Variants in PCDHA4 observed in about 807,000 individuals in gnomAD.
PCDHA4 encodes the protein protocadherin alpha 4.
Under a neutral mutation model 61.4 loss-of-function variants are expected in PCDHA4, and 49 were observed. The ratio of observed to expected loss-of-function variants is 0.80; its 90% CI spans 0.63 to 1.01. The LOEUF (loss-of-function observed/expected upper bound fraction) is 1.01. Ranked by LOEUF, PCDHA4 falls within the 50% of genes least tolerant of loss-of-function variation. PCDHA4 has a pLI of 0.00. For synonymous variants in PCDHA4, 590 were observed against 550.3 expected (o/e 1.07, Z -1.01); for missense variants, 1,254 against 1,235.8 (o/e 1.01, Z -0.22).
chr5:140,964,380 C>T (rs891362271), intron 1 of PCDHA4, among the ~76,000 whole-genome samples: 9 of 152,120 alleles, frequency 5.9e-5, no homozygotes, highest in Non-Finnish European at 1.3e-4. Context: ...AAGGAGAGTC[C>T]TGGTTTTTCT....
In PCDHA4 at chr5:140,858,436, G is replaced by A. The variant is rs781811192; in HGVS notation, c.2385+48864G>A. 9 of 1,542,522 alleles carry A rather than the reference G, an allele frequency of 5.8e-6. 1 individual carries two copies. In the South Asian group the frequency reaches 1.1e-4, roughly 18 times the overall value. ...CTATTGGAGGGGACCACTCTAGGAA[G>A]GTGGGTTATTACGTTTTCATTTTCC... On this transcript the variant is annotated intron_variant, in intron 1 of 3. Coordinates refer to ENST00000530339, the MANE Select transcript of PCDHA4 (RefSeq NM_018907.4).
Position 140,842,826 on chromosome 5 carries a change from G to T in PCDHA4, c.2385+33254G>T, listed in dbSNP as rs782132633. On this transcript the variant is annotated intron_variant, in intron 1 of 3. Coordinates refer to ENST00000530339, the MANE Select transcript of PCDHA4 (RefSeq NM_018907.4). ...CTTGTGGAGCGGCGGGTGGGCGAGC[G>T]CTCGCTGTCGAGCTACATTTCGGTG... 3.8e-6 allele frequency: 6 copies of T among 1,593,690 alleles called. 1 individual carries two copies. The highest frequency in any genetic ancestry group is 5.1e-6 in the Non-Finnish European group (6 of 1,165,318).
intron 1 of PCDHA4, chr5:140,966,420 G>C (rs2096000872): frequency 2.4e-6 from 1 of 421,302 alleles, no homozygotes; most frequent in South Asian, 1.0e-4. Flanking sequence ...AGCAGGACTT[G>C]CTGAGCCCTC....
In PCDHA4 at chr5:140,877,192, G is replaced by C. The variant is rs202102698; in HGVS notation, c.2385+67620G>C. 3.5e-4 allele frequency: 559 copies of C among 1,613,846 alleles called. 3 individuals are homozygous for C. The African/African-American group carries it at 6.5e-3, about 19-fold the overall frequency. Reference sequence around the variant, plus strand: ...GCTGGCGACTCCGGCTGGCAGCGCAGGAGGCGCAGTTAGCGAGTTGGTACC... The same window carrying C: ...GCTGGCGACTCCGGCTGGCAGCGCACGAGGCGCAGTTAGCGAGTTGGTACC... On this transcript the variant is annotated intron_variant, in intron 1 of 3. Coordinates refer to ENST00000530339, the MANE Select transcript of PCDHA4 (RefSeq NM_018907.4).
intron 1 of PCDHA4, chr5:140,829,594 G>T (rs141465004): frequency 2.2e-5 from 35 of 1,611,982 alleles, no homozygotes; most frequent in Non-Finnish European, 3.0e-5. Context: ...GGGTGGGCGA[G>T]CGCGCGTTGT....
intron 1 of PCDHA4, among the ~76,000 whole-genome samples, chr5:140,917,726 G>A (rs1192405804): frequency 6.6e-6 from 1 of 152,114 alleles, no homozygotes; most frequent in Admixed American, 6.6e-5. Flanking sequence ...TTATTTCTGG[G>A]TTCTCTAACC....
At chr5:140,982,218 G>A (rs1054533925) in intron 2 of PCDHA4, 11 of 523,574 alleles carry the variant, frequency 2.1e-5, no homozygotes, top group African/African-American at 7.7e-5. Context: ...GCCACATGGC[G>A]TTAATAAAAA....
intron 1 of PCDHA4, chr5:140,835,872 C>T: frequency 6.2e-7 from 1 of 1,612,050 alleles, no homozygotes; most frequent in Non-Finnish European, 8.5e-7. Flanking sequence ...GCTGGTGGAG[C>T]TGCGGGTGGG....
At chr5:140,909,471 A>G (rs1398595420) in intron 1 of PCDHA4, among the ~76,000 whole-genome samples, 3 of 152,328 alleles carry the variant, frequency 2.0e-5, no homozygotes, top group African/African-American at 7.2e-5. Context: ...TCTTCTTCAC[A>G]GGCTAAATAG....
chr5:140,906,963 G>A (rs150934602), intron 1 of PCDHA4, among the ~76,000 whole-genome samples: 2 of 152,098 alleles, frequency 1.3e-5, no homozygotes, highest in South Asian at 2.1e-4. Flanking sequence ...TAATGGAATC[G>A]TGGTTGTGTC....
Position 140,918,450 on chromosome 5 carries a change from G to A in PCDHA4, c.2386-60499G>A, listed in dbSNP as rs7725108. On this transcript the variant is annotated intron_variant, in intron 1 of 3. Transcript: ENST00000530339. ...TGTTGAATAGGAGTGGTGACAGTGGGCATCCTTGTCTTATTCCAAGTCTCA... is the reference window on the plus strand; with the variant it reads ...TGTTGAATAGGAGTGGTGACAGTGGACATCCTTGTCTTATTCCAAGTCTCA... Among the ~76,000 whole-genome samples, 323 of 152,246 alleles carry A rather than the reference G, an allele frequency of 2.1e-3. 2 individuals carry two copies. The highest frequency in any genetic ancestry group is 7.4e-3 in the African/African-American group (306 of 41,540).
intron 1 of PCDHA4, chr5:140,877,883 A>T: frequency 1.4e-6 from 2 of 1,460,312 alleles, no homozygotes; most frequent in East Asian, 2.5e-5. Context: ...TCCTTGAAGA[A>T]CTTCCGTTTA....
chr5:140,866,929 A>C (rs1189639503), intron 1 of PCDHA4: 1 of 152,160 alleles, frequency 6.6e-6, no homozygotes, highest in African/African-American at 2.4e-5. Context: ...CAAAGGGCGC[A>C]TAATCTCTTC....
rs1763929295 is a variant in PCDHA4 at position 140,807,415 on chromosome 5, G to A, written c.228G>A (p.Glu76=). The A allele has an allele frequency of 1.9e-6, 3 of 1,591,566 alleles. No homozygotes were observed. In the Admixed American group the frequency reaches 5.2e-5, roughly 28 times the overall value. ...CCAAGGGCCGCGGAGGCCTTCTGGA[G>A]GTAAATCTGCAGAATGGCATTTTGT... ...VASKGRGGLL[E]VNLQNGILFV... Residue 76 remains glutamate, a synonymous_variant, in exon 1 of 4, where the codon GAG becomes GAA. Coordinates refer to ENST00000530339, the MANE Select transcript of PCDHA4 (RefSeq NM_018907.4).
At chr5:140,967,989 T>G (rs781892084) in intron 1 of PCDHA4, 2 of 1,614,228 alleles carry the variant, frequency 1.2e-6, no homozygotes, top group Non-Finnish European at 1.7e-6. Flanking sequence ...GAGGCCACAC[T>G]GCCTTTCCGA....
chr5:140,886,827 G>GAAAAAAAAA, intron 1 of PCDHA4, among the ~76,000 whole-genome samples: 1 of 60,890 alleles, frequency 1.6e-5, no homozygotes, highest in Non-Finnish European at 3.3e-5. Flanking sequence ...ACTTCGTCTT[G>GAAAAAAAAA]AAAAAAAAAA....
At chr5:140,830,288 A>T in intron 1 of PCDHA4, 1 of 1,613,814 alleles carries the variant, frequency 6.2e-7, no homozygotes, top group Non-Finnish European at 8.5e-7. Flanking sequence ...GGGCGCGTGC[A>T]CGGCGGACAA....
chr5:140,822,947 A>G (rs2150120611), intron 1 of PCDHA4: 1 of 1,614,124 alleles, frequency 6.2e-7, no homozygotes, highest in African/African-American at 1.3e-5. Context: ...CTAATGCCCC[A>G]CGTTCCCTTC....
chr5:140,845,922 T>C (rs2150382652), intron 1 of PCDHA4, among the ~76,000 whole-genome samples: 7 of 149,894 alleles, frequency 4.7e-5, no homozygotes, highest in African/African-American at 7.3e-5. Flanking sequence ...CTTATTTTTG[T>C]GTAAAACTAT....
Sources: gnomAD v4.1 joint callset for allele counts (sites outside exome capture counted in the v4.1 genomes callset) on GRCh38, gnomAD v4.1.1 for gene constraint, MANE v1.5 for transcripts, NCBI Gene and HGNC (gene_info 2026-07-23, HGNC 2026-07-21) for gene names.